Variants in DIS3L2 observed in about 807,000 individuals in gnomAD.
The protein encoded by DIS3L2 is DIS3 like 3'-5' exoribonuclease 2.
In DIS3L2, 34 loss-of-function variants were observed where a neutral mutation model predicts 97.5. That is an observed-to-expected ratio of 0.35 (90% CI 0.27 to 0.46). The LOEUF (loss-of-function observed/expected upper bound fraction) is 0.46, where lower values mean the gene tolerates loss of function less well. DIS3L2 is among the 20% of genes least tolerant of loss of function. The pLI is 1.00. For missense variants in DIS3L2, 1,038 were observed against 1,146.0 expected (o/e 0.91, Z 1.36); for synonymous variants, 435 against 445.2 (o/e 0.98, Z 0.29).
intron 10 of DIS3L2, among the ~76,000 whole-genome samples, chr2:232,228,620 T>G (rs1322346891): frequency 6.6e-6 from 1 of 152,164 alleles, no homozygotes; most frequent in Non-Finnish European, 1.5e-5. Context: ...CCAGGAGAAT[T>G]GACCAATAAG....
chr2:232,166,077 A>T (rs999806507), intron 9 of DIS3L2, among the ~76,000 whole-genome samples: 1 of 75,424 alleles, frequency 1.3e-5, no homozygotes, highest in African/African-American at 7.4e-5. Context: ...CTCTACAATA[A>T]ATAAATAAAT....
chr2:232,330,590 C>G (rs1468109822), intron 15 of DIS3L2, 100 bp from the exon 16 acceptor site: 5 of 1,277,764 alleles, frequency 3.9e-6, no homozygotes, highest in Non-Finnish European at 5.7e-6. Context: ...GCAACTCCTC[C>G]CCCCAGAGCC....
chr2:232,091,905 G>A (rs1028441425), intron 6 of DIS3L2, among the ~76,000 whole-genome samples: 1 of 152,150 alleles, frequency 6.6e-6, no homozygotes, highest in Non-Finnish European at 1.5e-5. Context: ...CATCAATGAT[G>A]TTGAGCACTT....
downstream of DIS3L2, chr2:232,339,573 C>T (rs560014016): frequency 2.1e-5 from 8 of 382,424 alleles, no homozygotes; most frequent in East Asian, 1.5e-4. Context: ...CACATGCAGC[C>T]GAAGTGACAG....
intron 3 of DIS3L2, among the ~76,000 whole-genome samples, chr2:232,019,289 C>T (rs893261803): frequency 6.6e-6 from 1 of 152,136 alleles, no homozygotes; most frequent in Non-Finnish European, 1.5e-5. Context: ...TGGTGGCTCA[C>T]GCCTGTAATC....
chr2:232,220,288 A>G (rs777924505), intron 10 of DIS3L2, among the ~76,000 whole-genome samples: 6 of 151,018 alleles, frequency 4.0e-5, no homozygotes, highest in Non-Finnish European at 5.9e-5. Flanking sequence ...CAGGCTGGGC[A>G]ATACAGTGAG....
intron 1 of DIS3L2, among the ~76,000 whole-genome samples, chr2:232,003,373 A>G (rs1021551644): frequency 6.6e-6 from 1 of 152,188 alleles, no homozygotes; most frequent in Non-Finnish European, 1.5e-5. Flanking sequence ...TCATAAGAAA[A>G]AATACAGGAA....
chr2:232,291,979 AG>A (rs1026623748), intron 13 of DIS3L2, among the ~76,000 whole-genome samples: 4 of 152,166 alleles, frequency 2.6e-5, no homozygotes, highest in African/African-American at 9.7e-5. Flanking sequence ...TTTAGTGCCT[AG>A]TGGCCCTTGC....
chr2:232,071,687 G>A (rs545792239), intron 5 of DIS3L2, among the ~76,000 whole-genome samples: 1 of 152,268 alleles, frequency 6.6e-6, no homozygotes, highest in Non-Finnish European at 1.5e-5. Flanking sequence ...GGTCTTGTAA[G>A]CCAAAGAATA....
intron 9 of DIS3L2, among the ~76,000 whole-genome samples, chr2:232,197,771 A>G (rs1343031346): frequency 6.6e-6 from 1 of 152,076 alleles, no homozygotes; most frequent in Non-Finnish European, 1.5e-5. Context: ...GATTGAGACC[A>G]TCCTGGCCAA....
In DIS3L2 at chr2:232,037,341, G is replaced by A. The variant is rs1309590929; in HGVS notation, c.366+7261G>A. ...TGGTGGCTTTGTTTACACTGTGAGG[G>A]GAAAACCGCCTACTTAAGCCTCCGT... On this transcript the variant is annotated intron_variant, in intron 5 of 20. Transcript: ENST00000325385. This position sits in a 1 kb window ranked among gnomAD's most constrained non-coding sequence, Gnocchi z 4.6. Among the ~76,000 whole-genome samples, 4 of 152,160 alleles carry A rather than the reference G, an allele frequency of 2.6e-5. No homozygotes were observed. Among genetic ancestry groups the A allele is most frequent in the Non-Finnish European group, 5.9e-5 (4 of 68,018 alleles).
intron 1 of DIS3L2, among the ~76,000 whole-genome samples, chr2:232,002,144 T>C (rs979459759): frequency 2.0e-5 from 3 of 152,354 alleles, no homozygotes; most frequent in Middle Eastern, 6.8e-3. Context: ...CTTTCCCCAC[T>C]ACGTATTCTT....
At chr2:232,263,056 T>C (rs1223311282) in intron 12 of DIS3L2, 151 bp from the exon 13 acceptor site, 4 of 779,758 alleles carry the variant, frequency 5.1e-6, no homozygotes, top group Non-Finnish European at 8.3e-6. Flanking sequence ...CTGATTCATC[T>C]GGGTGCCTAG....
At chr2:232,342,096 CTGTGTGTGTGTGTG>C (rs59097449), downstream of DIS3L2, among the ~76,000 whole-genome samples, 2 of 149,642 alleles carry the variant, frequency 1.3e-5, no homozygotes, top group African/African-American at 4.9e-5. Context: ...CATCAGTAGG[CTGTGTGTGTGTGTG>C]TGTGTGTGTA....
At chr2:231,971,602 C>G (rs569428325) in intron 1 of DIS3L2, among the ~76,000 whole-genome samples, 7 of 152,142 alleles carry the variant, frequency 4.6e-5, no homozygotes, top group Non-Finnish European at 8.8e-5. Flanking sequence ...CGCCCGCCAC[C>G]ACCCCTGGCT....
At chr2:232,215,449 C>T (rs1692307762) in intron 10 of DIS3L2, among the ~76,000 whole-genome samples, 1 of 152,296 alleles carries the variant, frequency 6.6e-6, no homozygotes, top group African/African-American at 2.4e-5. Context: ...TGGACATTAC[C>T]TACTGTGCTC....
rs772499432 is a variant in DIS3L2, at chr2:232,330,674, T to C, written c.1924-16T>C. The C allele has an allele frequency of 3.7e-6, 6 of 1,613,928 alleles. No individual in the cohort carries two copies. The highest frequency in any genetic ancestry group is 5.1e-6 in the Non-Finnish European group (6 of 1,179,932). ...CTGGACCACACGTCACATAGGTTTC[T>C]GGGATTTGCTTCTAGAAAAGCCTGA... On this transcript the variant is annotated splice_polypyrimidine_tract_variant and intron_variant, in intron 15 of 20. Transcript: ENST00000325385.
intron 5 of DIS3L2, among the ~76,000 whole-genome samples, chr2:232,041,784 G>C (rs1007974672): frequency 7.9e-5 from 12 of 152,214 alleles, no homozygotes; most frequent in African/African-American, 2.9e-4. Flanking sequence ...CATTGAAACT[G>C]TTAAAAATAT....
At chr2:232,339,478 G>C (rs1696060142), downstream of DIS3L2, among the ~76,000 whole-genome samples, 1 of 152,238 alleles carries the variant, frequency 6.6e-6, no homozygotes, top group Non-Finnish European at 1.5e-5. Context: ...ACAGGGACAG[G>C]CTGCGAAAGT....
Sources: gnomAD v4.1 joint callset for allele counts (sites outside exome capture counted in the v4.1 genomes callset) on GRCh38, gnomAD v4.1.1 for gene constraint, Gnocchi (gnomAD v3.1) non-coding constraint, MANE v1.5 for transcripts, NCBI Gene and HGNC (gene_info 2026-07-23, HGNC 2026-07-21) for gene names.